The following PLXDC1 variants were observed in gnomAD, a reference collection of about 807,000 sequenced individuals.
The protein encoded by PLXDC1 is plexin domain containing 1.
In PLXDC1, 39 loss-of-function variants were observed where a neutral mutation model predicts 61.3. The ratio of observed to expected loss-of-function variants is 0.64; its 90% confidence interval spans 0.49 to 0.83. The LOEUF is 0.83. PLXDC1 is among the 40% of genes least tolerant of loss of function. PLXDC1 has a pLI of 0.00. For missense variants in PLXDC1, 596 were observed against 666.5 expected, an observed-to-expected ratio of 0.89 and a Z score of 1.17; for synonymous variants, 212 against 254.5, an observed-to-expected ratio of 0.83 and a Z score of 1.59.
intron 7 of PLXDC1, among the ~76,000 whole-genome samples, chr17:39,104,521 C>A (rs1252196907): frequency 6.6e-6 from 1 of 152,136 alleles, no homozygotes; most frequent in Non-Finnish European, 1.5e-5. Flanking sequence ...TGGGGGCTGA[C>A]GTCTGTAATC....
chr17:39,109,084 C>A, intron 3 of PLXDC1, 111 bp from the exon 4 acceptor site: 2 of 1,243,172 alleles, frequency 1.6e-6, no homozygotes, highest in Non-Finnish European at 2.3e-6. Context: ...ATGCCCAGGG[C>A]CACTGCTGGG....
intron 7 of PLXDC1, among the ~76,000 whole-genome samples, chr17:39,098,024 T>G (rs1428951293): frequency 1.3e-5 from 2 of 150,434 alleles, no homozygotes; most frequent in Non-Finnish European, 3.0e-5. Flanking sequence ...GCCAACATGG[T>G]GAAACCCCGT....
intron 6 of PLXDC1, among the ~76,000 whole-genome samples, chr17:39,106,840 T>C (rs1291027008): frequency 1.3e-5 from 2 of 151,668 alleles, no homozygotes; most frequent in Non-Finnish European, 2.9e-5. Context: ...TTAGTAGAGA[T>C]GGGGTTTCAT....
intron 11 of PLXDC1, among the ~76,000 whole-genome samples, chr17:39,075,884 C>T (rs1401394235): frequency 6.6e-6 from 1 of 152,114 alleles, no homozygotes; most frequent in East Asian, 1.9e-4. Flanking sequence ...TTAAGACCAG[C>T]CTGGCCAACA....
At chr17:39,076,542 G>C (rs1332307413) in intron 11 of PLXDC1, among the ~76,000 whole-genome samples, 1 of 151,644 alleles carries the variant, frequency 6.6e-6, no homozygotes, top group African/African-American at 2.4e-5. Flanking sequence ...CATAGGGCTA[G>C]AGGGGGAAGA....
At chr17:39,124,278 T>A (rs561923866) in intron 2 of PLXDC1, among the ~76,000 whole-genome samples, 2 of 152,352 alleles carry the variant, frequency 1.3e-5, no homozygotes, top group Non-Finnish European at 2.9e-5. Context: ...CTCATTTTTG[T>A]CCCTGAAGAG....
Position 39,146,840 on chromosome 17 carries a change from A to G in PLXDC1, c.76+4522T>C, listed in dbSNP as rs140364459. ...CACTGCACTCCAGCCTGAACAACAG[A>G]GTGAGACCCTGTCTCAAAAAAGAAA... On this transcript the variant is annotated intron_variant, in intron 1 of 13. Coordinates refer to ENST00000315392, the MANE Select transcript of PLXDC1 (RefSeq NM_020405.5). 9.1e-3 allele frequency among the ~76,000 whole-genome samples: 1,366 copies of G among 150,354 alleles called. 17 individuals carry two copies. Among genetic ancestry groups the G allele is most frequent in the African/African-American group, 0.03 (1,229 of 40,898 alleles).
intron 7 of PLXDC1, among the ~76,000 whole-genome samples, chr17:39,100,176 C>T (rs1033806587): frequency 2.0e-5 from 3 of 152,138 alleles, no homozygotes. Context: ...GCTCTGAAGC[C>T]GGTCCCAACC....
intron 9 of PLXDC1, among the ~76,000 whole-genome samples, chr17:39,082,374 G>C (rs1909593235): frequency 1.3e-5 from 2 of 152,060 alleles, no homozygotes; most frequent in Admixed American, 1.3e-4. Flanking sequence ...CCAAACTCTT[G>C]GTTTGGTGAA....
At position 39,151,154 on chromosome 17, in the gene PLXDC1, G is replaced by C. The variant is rs183677706; in HGVS notation, c.76+208C>G. Among the ~76,000 whole-genome samples, 30 of 152,260 alleles carry C rather than the reference G, an allele frequency of 2.0e-4. No homozygotes were observed. The East Asian group carries it at 5.6e-3, about 28-fold the overall frequency. ...GGAGAGAAGGAGAGGTCCGGGCATCGGTGTCTCCACCGTCACTCACACACC... is the reference window on the plus strand; with the variant it reads ...GGAGAGAAGGAGAGGTCCGGGCATCCGTGTCTCCACCGTCACTCACACACC... On this transcript the variant is annotated intron_variant, in intron 1 of 13. Coordinates refer to ENST00000315392, the MANE Select transcript of PLXDC1 (RefSeq NM_020405.5). This position sits in a 1 kb window ranked among gnomAD's most constrained non-coding sequence, Gnocchi z 5.2.
intron 2 of PLXDC1, among the ~76,000 whole-genome samples, chr17:39,109,873 T>A (rs1910736703): frequency 6.6e-6 from 1 of 152,174 alleles, no homozygotes; most frequent in Non-Finnish European, 1.5e-5. Context: ...CTGGACGCGG[T>A]GGCTCGCGCC....
At chr17:39,127,668 C>A (rs2143827650) in intron 2 of PLXDC1, among the ~76,000 whole-genome samples, 1 of 152,024 alleles carries the variant, frequency 6.6e-6, no homozygotes, top group South Asian at 2.1e-4. Flanking sequence ...AAAAGATGCT[C>A]AATAAGGCCG....
chr17:39,132,708 G>A (rs1489578060), intron 2 of PLXDC1, among the ~76,000 whole-genome samples: 1 of 152,164 alleles, frequency 6.6e-6, no homozygotes, highest in Non-Finnish European at 1.5e-5. Context: ...GCTGGGCAGA[G>A]GGTCTGGATG....
In PLXDC1 at chr17:39,141,771, C is replaced by T. The variant is rs184103211; in HGVS notation, c.77-1939G>A. 2.0e-5 allele frequency among the ~76,000 whole-genome samples: 3 copies of T among 152,346 alleles called. No homozygotes were observed. The East Asian group carries it at 5.8e-4, about 29-fold the overall frequency. On this transcript the variant is annotated intron_variant, in intron 1 of 13. Transcript: ENST00000315392. ...ATGACTGGACCATTTTACATTCCCA[C>T]CAACCGTGCACATGGGTTCCAATCT...
At chr17:39,115,415 G>A (rs1330254755) in intron 2 of PLXDC1, among the ~76,000 whole-genome samples, 1 of 152,244 alleles carries the variant, frequency 6.6e-6, no homozygotes, top group Non-Finnish European at 1.5e-5. Context: ...GGCCTGCCAG[G>A]GGGAGGACTG....
At chr17:39,138,568 G>C (rs1369994951) in intron 2 of PLXDC1, among the ~76,000 whole-genome samples, 4 of 152,076 alleles carry the variant, frequency 2.6e-5, no homozygotes, top group Non-Finnish European at 1.5e-5. Flanking sequence ...CAGAGAGGTA[G>C]CAGTACAGTA....
intron 7 of PLXDC1, 116 bp downstream of exon 7, chr17:39,105,738 C>T: frequency 1.5e-6 from 1 of 650,064 alleles, no homozygotes; most frequent in Non-Finnish European, 2.7e-6. Context: ...TGGTTTCCCT[C>T]TCAACTCTCT....
Position 39,151,559 on chromosome 17 carries a change from A to ACGG in PLXDC1, c.-125_-123dup. The ACGG allele has an allele frequency of 8.3e-7, 1 of 1,199,656 alleles. No homozygotes were observed. Among genetic ancestry groups the ACGG allele is most frequent in the Non-Finnish European group, 1.0e-6 (1 of 967,348 alleles). The allele number at this position is 1,199,656 out of a possible 1,614,324, so 74.3% of individuals were successfully genotyped here. ...TGGCGGAGGGGCGGGCGGCGAGGAGACGGCGGAGCGCGGGGCCGGGCGAGC... is the reference window on the plus strand; with the variant it reads ...TGGCGGAGGGGCGGGCGGCGAGGAGACGGCGGCGGAGCGCGGGGCCGGGCGAGC... On this transcript the variant is annotated 5_prime_UTR_variant, in exon 1 of 14. Transcript: ENST00000315392. This position sits in a 1 kb window ranked among gnomAD's most constrained non-coding sequence, Gnocchi z 5.2.
chr17:39,067,667 CT>C lies in PLXDC1; in HGVS notation c.*172del. ...ATCCATGTGGTTGTTTTTTGGCCCCCTCTTCAATATTCGGGGTGTGCTGACG... is the reference window on the plus strand; with the variant it reads ...ATCCATGTGGTTGTTTTTTGGCCCCCCTTCAATATTCGGGGTGTGCTGACG... On this transcript the variant is annotated 3_prime_UTR_variant, in exon 14 of 14. Coordinates refer to ENST00000315392, the MANE Select transcript of PLXDC1 (RefSeq NM_020405.5). The C allele has an allele frequency of 1.7e-6, 1 of 585,416 alleles. No homozygotes were observed. Among genetic ancestry groups the C allele is most frequent in the Non-Finnish European group, 3.0e-6 (1 of 338,808 alleles). 36.3% of individuals were successfully genotyped at this position (585,416 alleles called of 1,614,324 possible). A position where few individuals can be genotyped will look rare whatever the true frequency, so the allele number is the denominator to read the frequency against.
Sources: allele counts gnomAD v4.1 joint callset (sites outside exome capture counted in the v4.1 genomes callset), GRCh38; gene constraint gnomAD v4.1.1; non-coding constraint Gnocchi (gnomAD v3.1); transcripts MANE v1.5; gene names NCBI Gene and HGNC (gene_info 2026-07-23, HGNC 2026-07-21).